Variants in SIL1 observed in about 807,000 individuals in gnomAD.
The protein encoded by SIL1 is SIL1 nucleotide exchange factor, also known as nucleotide exchange factor SIL1.
In SIL1, 40 loss-of-function variants were observed where a neutral mutation model predicts 49.1. That is an observed-to-expected ratio of 0.81 (90% CI 0.63 to 1.06). SIL1 has a LOEUF of 1.06. Among genes scored for constraint, SIL1 ranks in the 50% least tolerant of loss-of-function variants. The pLI, the probability that SIL1 is intolerant of heterozygous loss-of-function variation, is 0.00. For synonymous variants in SIL1, 253 were observed against 250.8 expected (o/e 1.01, Z -0.08); for missense variants, 500 against 572.6 (o/e 0.87, Z 1.29).
chr5:139,161,550 C>A (rs1751514224), intron 1 of SIL1, among the ~76,000 whole-genome samples: 1 of 152,182 alleles, frequency 6.6e-6, no homozygotes, highest in Non-Finnish European at 1.5e-5. Context: ...TGTCGGCTAA[C>A]CCTGTTCTAG....
chr5:139,115,696 T>C (rs1770973122), intron 3 of SIL1, among the ~76,000 whole-genome samples: 1 of 152,174 alleles, frequency 6.6e-6, no homozygotes, highest in African/African-American at 2.4e-5. Context: ...CCCACTCCAA[T>C]ATCTTGCCGC....
chr5:139,080,078 C>T (rs1770039327), intron 3 of SIL1, among the ~76,000 whole-genome samples: 1 of 151,998 alleles, frequency 6.6e-6, no homozygotes, highest in Non-Finnish European at 1.5e-5. Context: ...TGGGGGGTGG[C>T]ACATATTATT....
At chr5:139,107,887 A>G (rs1222323514) in intron 3 of SIL1, 2 of 152,246 alleles carry the variant, frequency 1.3e-5, no homozygotes, top group African/African-American at 4.8e-5. Flanking sequence ...CCCCTATTTT[A>G]CAGAGAGGGA....
chr5:139,133,768 G>A (rs1750916744), intron 1 of SIL1, among the ~76,000 whole-genome samples: 1 of 152,214 alleles, frequency 6.6e-6, no homozygotes, highest in South Asian at 2.1e-4. Flanking sequence ...TACACTGTAT[G>A]TTCATGTATT....
At chr5:138,971,522 C>G (rs1052669583) in intron 7 of SIL1, among the ~76,000 whole-genome samples, 1 of 152,186 alleles carries the variant, frequency 6.6e-6, no homozygotes, top group Admixed American at 6.5e-5. Flanking sequence ...GCAGGGTTTT[C>G]TCACCAACTA....
chr5:139,080,205 A>C (rs917429762), intron 3 of SIL1, among the ~76,000 whole-genome samples: 1 of 152,204 alleles, frequency 6.6e-6, no homozygotes, highest in African/African-American at 2.4e-5. Flanking sequence ...AAAACAGTTA[A>C]ATCATTAGGT....
At chr5:139,153,375 T>C (rs1751346326) in intron 1 of SIL1, among the ~76,000 whole-genome samples, 1 of 152,180 alleles carries the variant, frequency 6.6e-6, no homozygotes, top group East Asian at 1.9e-4. Context: ...TATACTTTCT[T>C]ATATAGTTGT....
At chr5:139,060,568 G>C (rs1319073862) in intron 3 of SIL1, among the ~76,000 whole-genome samples, 1 of 150,160 alleles carries the variant, frequency 6.7e-6, no homozygotes, top group Non-Finnish European at 1.5e-5. Context: ...AAACACCATA[G>C]CCTAGAAACC....
chr5:139,192,997 CAAAAAAAAAA>C (rs60150903), intron 1 of SIL1, among the ~76,000 whole-genome samples: 15 of 79,000 alleles, frequency 1.9e-4, no homozygotes, highest in Non-Finnish European at 2.0e-4. Context: ...AACTCAGTCT[CAAAAAAAAAA>C]AAAAAAAAAA....
chr5:139,163,442 T>C (rs984710628), intron 1 of SIL1, among the ~76,000 whole-genome samples: 2 of 152,062 alleles, frequency 1.3e-5, no homozygotes, highest in Non-Finnish European at 2.9e-5. Context: ...CCATCTCGTC[T>C]CATTGCAACC....
intron 7 of SIL1, among the ~76,000 whole-genome samples, chr5:139,016,351 G>T (rs1768397506): frequency 6.6e-6 from 1 of 152,162 alleles, no homozygotes; most frequent in African/African-American, 2.4e-5. Context: ...TTGAGTTTGA[G>T]GTGCGATGAG....
chr5:139,058,723 C>A (rs1013195583), intron 3 of SIL1, among the ~76,000 whole-genome samples: 3 of 152,152 alleles, frequency 2.0e-5, no homozygotes, highest in Non-Finnish European at 4.4e-5. Flanking sequence ...CCATCATTTT[C>A]TTTTTAAAAG....
At position 139,143,338 on chromosome 5, in the gene SIL1, CACACACATAT is replaced by C. The variant is rs1265061333; in HGVS notation, c.-10-15495_-10-15486del. On this transcript the variant is annotated intron_variant, in intron 1 of 9. Coordinates refer to ENST00000394817, the MANE Select transcript of SIL1 (RefSeq NM_022464.5). The stretch of plus-strand genomic sequence containing the variant: ...ACACACACACACACACACACACACA[CACACACATAT>C]ATATATATATATATATATGGTTTTT... 8.9e-3 allele frequency among the ~76,000 whole-genome samples: 751 copies of C among 84,186 alleles called. 16 individuals carry two copies. The highest frequency in any genetic ancestry group is 0.045 in the African/African-American group (677 of 15,192). 55.2% of individuals were successfully genotyped at this position (84,186 alleles called of 152,430 possible).
intron 7 of SIL1, among the ~76,000 whole-genome samples, chr5:138,989,320 G>A (rs963189704): frequency 3.9e-5 from 6 of 152,164 alleles, no homozygotes; most frequent in Admixed American, 1.3e-4. Context: ...AGGCCAAGGC[G>A]GGCAGATCAC....
At chr5:139,005,477 GT>G (rs1392850409) in intron 7 of SIL1, among the ~76,000 whole-genome samples, 2 of 137,322 alleles carry the variant, frequency 1.5e-5, no homozygotes, top group African/African-American at 5.4e-5. Flanking sequence ...TATACTTTAA[GT>G]TTTAGGGTAC....
chr5:139,159,427 T>C (rs1751465405), intron 1 of SIL1, among the ~76,000 whole-genome samples: 2 of 152,150 alleles, frequency 1.3e-5, no homozygotes, highest in African/African-American at 4.8e-5. Flanking sequence ...TTAAAATAAA[T>C]TGAGAGAAAA....
At chr5:139,176,993 C>A (rs1322716951) in intron 1 of SIL1, among the ~76,000 whole-genome samples, 1 of 134,752 alleles carries the variant, frequency 7.4e-6, no homozygotes, top group African/African-American at 2.7e-5. Context: ...AGTGCAGTGA[C>A]GCAAGCTTCG....
At chr5:138,963,755 A>C (rs1023808975) in intron 7 of SIL1, among the ~76,000 whole-genome samples, 4 of 152,250 alleles carry the variant, frequency 2.6e-5, no homozygotes, top group Non-Finnish European at 4.4e-5. Flanking sequence ...TCTAGTTCAG[A>C]GAGGCAAGTG....
intron 5 of SIL1, among the ~76,000 whole-genome samples, chr5:139,033,477 C>A (rs115758414): frequency 0.013 from 1,913 of 151,754 alleles, 35 homozygotes; most frequent in African/African-American, 0.043. Flanking sequence ...AGGTATGAGA[C>A]CTTACTTCTT....
Sources: allele counts gnomAD v4.1 joint callset (sites outside exome capture counted in the v4.1 genomes callset), GRCh38; gene constraint gnomAD v4.1.1; transcripts MANE v1.5; gene names NCBI Gene and HGNC (gene_info 2026-07-23, HGNC 2026-07-21).